Variants in UBR4 observed in about 807,000 individuals in gnomAD.
The protein encoded by UBR4 is E3 ubiquitin-protein ligase UBR4.
UBR4 carries 124 observed loss-of-function variants against 575.6 expected under a neutral mutation model. The ratio of observed to expected loss-of-function variants is 0.22; its 90% CI spans 0.19 to 0.25. The LOEUF (loss-of-function observed/expected upper bound fraction) is 0.25. Ranked by LOEUF, UBR4 falls within the 10% of genes least tolerant of loss-of-function variation. The pLI is 1.00. For missense variants in UBR4, 4,818 were observed against 6,478.8 expected, an observed-to-expected ratio of 0.74 and a Z score of 8.80; for synonymous variants, 2,455 against 2,473.7, an observed-to-expected ratio of 0.99 and a Z score of 0.22.
chr1:19,129,203 C>T (rs939809709), intron 60 of UBR4, 129 bp from the exon 61 acceptor site: 3 of 696,012 alleles, frequency 4.3e-6, no homozygotes, highest in Non-Finnish European at 7.1e-6. Context: ...GAACAATCTC[C>T]AGCATTAAAA....
intron 65 of UBR4, 85 bp downstream of exon 65, chr1:19,124,456 A>G (rs2081513849): frequency 6.5e-7 from 1 of 1,541,008 alleles, no homozygotes; most frequent in Admixed American, 2.0e-5. Flanking sequence ...AATACCAAGT[A>G]AGGATGAGGA....
chr1:19,168,605 A>T (rs1484568288), intron 27 of UBR4, among the ~76,000 whole-genome samples: 1 of 152,228 alleles, frequency 6.6e-6, no homozygotes, highest in African/African-American at 2.4e-5. Flanking sequence ...TTTTGAAAAG[A>T]ACTTCAGTAA....
At chr1:19,197,543 T>A in intron 7 of UBR4, 127 bp downstream of exon 7, 2 of 1,353,746 alleles carry the variant, frequency 1.5e-6, no homozygotes, top group Non-Finnish European at 2.0e-6. Flanking sequence ...GTGGGAGAAC[T>A]GCTTGAACCA....
At position 19,153,215 on chromosome 1, in the gene UBR4, A is replaced by T; in HGVS notation, c.6832+86T>A. The T allele has an allele frequency of 7.1e-7, 1 of 1,406,410 alleles. No homozygotes were observed. Among genetic ancestry groups the T allele is most frequent in the African/African-American group, 1.4e-5 (1 of 70,462 alleles). 87.1% of individuals were successfully genotyped at this position (1,406,410 alleles called of 1,614,324 possible). A position where few individuals can be genotyped will look rare whatever the true frequency, so the allele number is the denominator to read the frequency against. On this transcript the variant is annotated intron_variant, in intron 46 of 105. Coordinates refer to ENST00000375254, the MANE Select transcript of UBR4 (RefSeq NM_020765.3). This position sits in a 1 kb window ranked among gnomAD's most constrained non-coding sequence, Gnocchi z 4.1. ...AAGTAGGACAGTCACATTTCTTCACAGATATTTTCAACAGTCTATTCTGAG... is the reference window on the plus strand; with the variant it reads ...AAGTAGGACAGTCACATTTCTTCACTGATATTTTCAACAGTCTATTCTGAG...
Position 19,129,006 on chromosome 1 carries a change from C to A in UBR4, c.8975G>T (p.Gly2992Val). 1.9e-6 allele frequency: 3 copies of A among 1,614,062 alleles called. No homozygotes were observed. The highest frequency in any genetic ancestry group is 2.5e-6 in the Non-Finnish European group (3 of 1,179,994). The stretch of plus-strand genomic sequence containing the variant: ...CATGTATGGGATGGCCCGGACACCG[C>A]CAACGTTTCGTAATTGAGGCAGGGT... ...LQTLPQLRNVGGVRAIPYMQV... is the reference protein window; with the variant it reads ...LQTLPQLRNVVGVRAIPYMQV... The change falls in exon 61 of 106, where the codon GGC becomes GTC. Residue 2992 changes from glycine to valine, a missense_variant. Coordinates refer to ENST00000375254, the MANE Select transcript of UBR4 (RefSeq NM_020765.3).
At chr1:19,175,850 G>C (rs2090191251) in intron 20 of UBR4, among the ~76,000 whole-genome samples, 1 of 152,088 alleles carries the variant, frequency 6.6e-6, no homozygotes, top group South Asian at 2.1e-4. Flanking sequence ...CTGGAGTACA[G>C]TGGCGTGATC....
intron 27 of UBR4, among the ~76,000 whole-genome samples, chr1:19,169,137 G>A (rs1301629094): frequency 6.6e-6 from 1 of 152,176 alleles, no homozygotes; most frequent in Non-Finnish European, 1.5e-5. Context: ...TAATATGCTA[G>A]GCACTTAACA....
At chr1:19,172,643 A>C (rs1390756047) in intron 25 of UBR4, among the ~76,000 whole-genome samples, 1 of 152,224 alleles carries the variant, frequency 6.6e-6, no homozygotes, top group Non-Finnish European at 1.5e-5. Context: ...ATCGTACAAA[A>C]TATTTAAAGA....
At position 19,110,238 on chromosome 1, in the gene UBR4, G is replaced by A. The variant is rs1168003685; in HGVS notation, c.11978-15C>T. 6.2e-7 allele frequency: 1 copy of A among 1,614,190 alleles called. No homozygotes were observed. Among genetic ancestry groups the A allele is most frequent in the Admixed American group, 1.7e-5 (1 of 60,030 alleles). Reference sequence around the variant, plus strand: ...AAGGCTGAGAGCTAGGGATGGTCAGGAAAGGCAGAGTCACAATCAGGAACA... The same window carrying A: ...AAGGCTGAGAGCTAGGGATGGTCAGAAAAGGCAGAGTCACAATCAGGAACA... On this transcript the variant is annotated splice_polypyrimidine_tract_variant and intron_variant, in intron 80 of 105. Transcript: ENST00000375254. The surrounding 1 kb of genome is among the most constrained non-coding windows in gnomAD (Gnocchi z 4.5).
In UBR4 at chr1:19,110,046, G is replaced by A. The variant is rs2079670354; in HGVS notation, c.12105+50C>T. 5.0e-6 allele frequency: 8 copies of A among 1,610,566 alleles called. No homozygotes were observed. The highest frequency in any genetic ancestry group is 6.8e-6 in the Non-Finnish European group (8 of 1,178,716). On this transcript the variant is annotated intron_variant, in intron 81 of 105. Transcript: ENST00000375254. This position sits in a 1 kb window ranked among gnomAD's most constrained non-coding sequence, Gnocchi z 4.5. Reference sequence around the variant, plus strand: ...GCAGGGCACACTGCCAGGGAATGAGGAGGGTGGCCGCCCTGCCCTTCCTTG... The same window carrying A: ...GCAGGGCACACTGCCAGGGAATGAGAAGGGTGGCCGCCCTGCCCTTCCTTG...
rs201986769 is a variant in UBR4 at position 19,189,223 on chromosome 1, C to T, written c.1395-1683G>A. Among the ~76,000 whole-genome samples, 4 of 151,924 alleles carry T rather than the reference C, an allele frequency of 2.6e-5. No individual in the cohort carries two copies. The East Asian group carries it at 5.8e-4, about 22-fold the overall frequency. Reference sequence around the variant, plus strand: ...ATGGGGAAATGGGCATATAAGCACACAGCTGGTGTCAATGCAGATTAGTGT... The same window carrying T: ...ATGGGGAAATGGGCATATAAGCACATAGCTGGTGTCAATGCAGATTAGTGT... On this transcript the variant is annotated intron_variant, in intron 11 of 105. Coordinates refer to ENST00000375254, the MANE Select transcript of UBR4 (RefSeq NM_020765.3).
chr1:19,162,367 T>A, intron 35 of UBR4, 53 bp downstream of exon 35: 1 of 1,556,540 alleles, frequency 6.4e-7, no homozygotes, highest in Non-Finnish European at 8.7e-7. Flanking sequence ...CTTGGTACCA[T>A]GCCAGTTAGT....
intron 81 of UBR4, among the ~76,000 whole-genome samples, 153 bp downstream of exon 81, chr1:19,109,943 T>C (rs2079654152): frequency 6.6e-6 from 1 of 152,210 alleles, no homozygotes; most frequent in Non-Finnish European, 1.5e-5. Context: ...CCAACCCATA[T>C]CTGCTGAACT....
chr1:19,117,179 C>T lies in UBR4; in HGVS notation c.10823+42G>A. The T allele has an allele frequency of 2.5e-6, 4 of 1,598,862 alleles. No individual in the cohort carries two copies. Among genetic ancestry groups the T allele is most frequent in the Non-Finnish European group, 3.4e-6 (4 of 1,170,886 alleles). On this transcript the variant is annotated intron_variant, in intron 73 of 105. Coordinates refer to ENST00000375254, the MANE Select transcript of UBR4 (RefSeq NM_020765.3). The surrounding 1 kb of genome is among the most constrained non-coding windows in gnomAD (Gnocchi z 4.0). Reference sequence around the variant, plus strand: ...CCGAAGGCAGCAACTGAGCTTCAGCCTTACAACCTGCTGCCCCTCCCGAGG... The same window carrying T: ...CCGAAGGCAGCAACTGAGCTTCAGCTTTACAACCTGCTGCCCCTCCCGAGG...
intron 2 of UBR4, 111 bp downstream of exon 2, chr1:19,201,607 G>A (rs2092745732): frequency 2.3e-6 from 2 of 870,394 alleles, no homozygotes; most frequent in African/African-American, 1.7e-5. Context: ...CAGCTTAGGA[G>A]TGCTAAAACC....
At position 19,079,019 on chromosome 1, in the gene UBR4, G is replaced by C. The variant is rs537788675; in HGVS notation, c.15234-953C>G. On this transcript the variant is annotated intron_variant, in intron 103 of 105. Coordinates refer to ENST00000375254, the MANE Select transcript of UBR4 (RefSeq NM_020765.3). ...TCTGTAATAAGTAAAGCCTAGGTGA[G>C]CCCTTGTCACAGAGTATTCTACACC... 9.8e-5 allele frequency: 15 copies of C among 152,290 alleles called. No individual in the cohort carries two copies. In the East Asian group the frequency reaches 2.9e-3, roughly 29 times the overall value. 9.4% of individuals were successfully genotyped at this position (152,290 alleles called of 1,614,324 possible).
chr1:19,174,806 C>T, intron 21 of UBR4, 148 bp downstream of exon 21: 1 of 780,668 alleles, frequency 1.3e-6, no homozygotes, highest in Non-Finnish European at 2.0e-6. Flanking sequence ...ATCCAAGTAA[C>T]ATTTTCCTAT....
intron 37 of UBR4, 75 bp from the exon 38 acceptor site, chr1:19,161,222 G>T: frequency 7.1e-7 from 1 of 1,417,532 alleles, no homozygotes; most frequent in Non-Finnish European, 9.7e-7. Flanking sequence ...GATCTCCGAG[G>T]AAAATTTGAC....
chr1:19,160,820 T>C, intron 38 of UBR4, 97 bp downstream of exon 38: 1 of 1,174,466 alleles, frequency 8.5e-7, no homozygotes, highest in Non-Finnish European at 1.2e-6. Context: ...AAGGAGAAAA[T>C]GAGTTGCAAG....
Sources: allele counts gnomAD v4.1 joint callset (sites outside exome capture counted in the v4.1 genomes callset), GRCh38; gene constraint gnomAD v4.1.1; non-coding constraint Gnocchi (gnomAD v3.1); transcripts MANE v1.5; gene names NCBI Gene and HGNC (gene_info 2026-07-23, HGNC 2026-07-21).